The following PSD3 variants were observed in gnomAD, a reference collection of about 807,000 sequenced individuals.
PSD3 encodes the protein PH and SEC7 domain-containing protein 3.
A neutral mutation model predicts 105.5 loss-of-function variants in PSD3; 49 were observed. The ratio of observed to expected loss-of-function variants is 0.46; its 90% CI spans 0.37 to 0.59. The LOEUF (loss-of-function observed/expected upper bound fraction) is 0.59. PSD3 is among the 20% of genes least tolerant of loss of function. The pLI is 0.00. For missense variants in PSD3, 1,561 were observed against 1,263.8 expected (o/e 1.24, Z -3.57); for synonymous variants, 557 against 457.8 (o/e 1.22, Z -2.77).
chr8:18,532,010 A>T lies in PSD3; in HGVS notation c.*3733T>A, dbSNP rs1267763418. ...TGATGACTGCAAGGAAAAATGCCAA[A>T]GGAACTCAATTTCAAGGACAATTAA... On this transcript the variant is annotated 3_prime_UTR_variant, in exon 16 of 16. Transcript: ENST00000327040. The T allele has an allele frequency of 1.3e-5, 2 of 152,238 alleles. No individual in the cohort carries two copies. Among genetic ancestry groups the T allele is most frequent in the Non-Finnish European group, 2.9e-5 (2 of 68,052 alleles). The allele number at this position is 152,238 out of a possible 1,614,324, so 9.4% of individuals were successfully genotyped here.
At chr8:18,763,588 G>A (rs1806723510) in intron 9 of PSD3, among the ~76,000 whole-genome samples, 1 of 151,874 alleles carries the variant, frequency 6.6e-6, no homozygotes, top group South Asian at 2.1e-4. Context: ...AAAATAGAAA[G>A]CCAAAGAGAA....
chr8:18,927,006 G>A (rs905401323), intron 2 of PSD3, among the ~76,000 whole-genome samples: 6 of 152,046 alleles, frequency 3.9e-5, no homozygotes, highest in African/African-American at 1.5e-4. Context: ...CAGTTAATTA[G>A]CTAGAGTGCC....
chr8:18,651,996 A>G (rs1375740984), intron 10 of PSD3, among the ~76,000 whole-genome samples: 3 of 152,190 alleles, frequency 2.0e-5, no homozygotes, highest in African/African-American at 4.8e-5. Flanking sequence ...CTGAAAAACA[A>G]AAGAATGGCA....
intron 4 of PSD3, chr8:18,864,794 G>GA: frequency 6.6e-6 from 1 of 152,074 alleles, no homozygotes; most frequent in Admixed American, 6.6e-5. Flanking sequence ...GTGCTTGGCT[G>GA]AAGGACAGGC....
At chr8:18,854,592 A>G (rs904117711) in intron 4 of PSD3, among the ~76,000 whole-genome samples, 10 of 152,360 alleles carry the variant, frequency 6.6e-5, no homozygotes, top group African/African-American at 2.4e-4. Context: ...TAATAGCACT[A>G]AAGTTTTTTG....
At chr8:18,788,680 A>C (rs1327259638) in intron 8 of PSD3, among the ~76,000 whole-genome samples, 1 of 152,172 alleles carries the variant, frequency 6.6e-6, no homozygotes, top group Non-Finnish European at 1.5e-5. Context: ...CATTGGTAAA[A>C]TCTGGCTTCA....
At chr8:18,619,201 G>A (rs961468584) in intron 11 of PSD3, among the ~76,000 whole-genome samples, 2 of 152,098 alleles carry the variant, frequency 1.3e-5, no homozygotes, top group Non-Finnish European at 2.9e-5. Flanking sequence ...CTGAATGCCT[G>A]CCACGATGGG....
At chr8:19,064,123 G>A (rs183620610) in intron 1 of PSD3, among the ~76,000 whole-genome samples, 8 of 151,912 alleles carry the variant, frequency 5.3e-5, no homozygotes, top group Non-Finnish European at 8.8e-5. Context: ...CCTGAGTGAC[G>A]AAGTGAGACT....
chr8:19,003,033 A>AGCC (rs1254457283), intron 1 of PSD3, among the ~76,000 whole-genome samples: 1 of 152,036 alleles, frequency 6.6e-6, no homozygotes, highest in Non-Finnish European at 1.5e-5. Flanking sequence ...AAACTGTCTA[A>AGCC]GCCCCTTCTA....
rs189422496 is a variant in PSD3 at position 18,620,945 on chromosome 8, C to T, written c.2410+11668G>A. Among the ~76,000 whole-genome samples, 45 of 152,178 alleles carry T rather than the reference C, an allele frequency of 3.0e-4. No homozygotes were observed. In the East Asian group the frequency reaches 6.4e-3, roughly 22 times the overall value. On this transcript the variant is annotated intron_variant, in intron 11 of 15. Coordinates refer to ENST00000327040, the MANE Select transcript of PSD3 (RefSeq NM_015310.4). ...TCTTTCTCCTAAATGTTAATTAAAC[C>T]GAAATCATAAACAGAACGAGTCAGC...
At position 19,010,488 on chromosome 8, in the gene PSD3, A is replaced by G. The variant is rs1172053611; in HGVS notation, c.21+3075T>C. Among the ~76,000 whole-genome samples the G allele has an allele frequency of 7.3e-4, 111 of 152,354 alleles. 1 individual carries two copies. The highest frequency in any genetic ancestry group is 4.4e-5 in the Non-Finnish European group (3 of 68,024). ...CCTTATTTTCAAATGAGGCATGGAC[A>G]TTTGGTAATTTGGATTTAAGAATAA... On this transcript the variant is annotated intron_variant, in intron 1 of 15. Coordinates refer to ENST00000327040, the MANE Select transcript of PSD3 (RefSeq NM_015310.4).
intron 8 of PSD3, among the ~76,000 whole-genome samples, chr8:18,791,897 T>G (rs1444437822): frequency 6.6e-6 from 1 of 151,920 alleles, no homozygotes; most frequent in African/African-American, 2.4e-5. Flanking sequence ...ACAATCACAT[T>G]AAAAAGTGGG....
At chr8:18,802,096 C>T (rs1563286927) in intron 6 of PSD3, among the ~76,000 whole-genome samples, 2 of 152,156 alleles carry the variant, frequency 1.3e-5, no homozygotes, top group Non-Finnish European at 2.9e-5. Context: ...CTATGGATTG[C>T]ATTGCTTTGT....
intron 12 of PSD3, among the ~76,000 whole-genome samples, chr8:18,578,910 C>A (rs140090208): frequency 6.6e-6 from 1 of 151,990 alleles, no homozygotes; most frequent in African/African-American, 2.4e-5. Flanking sequence ...ACACTATATA[C>A]GGCATCAGTG....
intron 4 of PSD3, among the ~76,000 whole-genome samples, chr8:18,820,567 G>C (rs897821125): frequency 3.3e-5 from 5 of 152,050 alleles, no homozygotes; most frequent in Admixed American, 6.5e-5. Flanking sequence ...TAAATGCTAT[G>C]TTAATAGTTG....
At chr8:18,905,726 C>A (rs1245022286) in intron 2 of PSD3, among the ~76,000 whole-genome samples, 1 of 152,076 alleles carries the variant, frequency 6.6e-6, no homozygotes, top group East Asian at 1.9e-4. Flanking sequence ...CTTACATTTT[C>A]TAGATCCTAA....
chr8:18,638,291 C>T (rs767046242), intron 10 of PSD3, among the ~76,000 whole-genome samples: 1 of 149,902 alleles, frequency 6.7e-6, no homozygotes, highest in Non-Finnish European at 1.5e-5. Context: ...TTTTGTTCAA[C>T]ACAGTTTTGG....
intron 1 of PSD3, among the ~76,000 whole-genome samples, chr8:19,052,344 C>A (rs554119596): frequency 1.3e-5 from 2 of 151,764 alleles, no homozygotes; most frequent in East Asian, 3.9e-4. Flanking sequence ...TGGTGACATG[C>A]GCCTGTAGTC....
chr8:18,556,481 T>C (rs1195211794), intron 14 of PSD3, 129 bp from the exon 15 acceptor site: 28 of 901,836 alleles, frequency 3.1e-5, no homozygotes, highest in South Asian at 1.7e-5. Context: ...GTGCCTCTGC[T>C]GCCACATCCT....
Sources: gnomAD v4.1 joint callset for allele counts (sites outside exome capture counted in the v4.1 genomes callset) on GRCh38, gnomAD v4.1.1 for gene constraint, MANE v1.5 for transcripts, NCBI Gene and HGNC (gene_info 2026-07-23, HGNC 2026-07-21) for gene names.